Variants in CARF observed in about 807,000 individuals in gnomAD.
CARF encodes calcium-responsive transcription factor.
CARF carries 57 observed loss-of-function variants against 82.0 expected under a neutral mutation model. The observed-to-expected ratio is 0.70, with a 90% CI of 0.56 to 0.87. The LOEUF (loss-of-function observed/expected upper bound fraction) is 0.87. Ranked by LOEUF, CARF falls within the 40% of genes least tolerant of loss-of-function variation. The pLI, the probability that CARF is intolerant of heterozygous loss-of-function variation, is 0.00. For missense variants in CARF, 771 were observed against 855.8 expected, an observed-to-expected ratio of 0.90 and a Z score of 1.24; for synonymous variants, 268 against 290.1, an observed-to-expected ratio of 0.92 and a Z score of 0.77.
intron 3 of CARF, among the ~76,000 whole-genome samples, chr2:202,926,862 G>A (rs1340507733): frequency 7.9e-5 from 12 of 151,952 alleles, no homozygotes; most frequent in Admixed American, 3.3e-4. Context: ...TTGCTCTGTC[G>A]CCCAGGTTGG....
At chr2:202,971,103 AGAT>A (rs1013263513) in intron 11 of CARF, among the ~76,000 whole-genome samples, 8 of 152,150 alleles carry the variant, frequency 5.3e-5, no homozygotes, top group Non-Finnish European at 7.4e-5. Context: ...ACAGTTCAAA[AGAT>A]GATGATTTAC....
At chr2:202,966,729 G>A (rs145585147) in intron 9 of CARF, among the ~76,000 whole-genome samples, 3 of 152,056 alleles carry the variant, frequency 2.0e-5, no homozygotes, top group African/African-American at 7.2e-5. Flanking sequence ...AAAATTATAT[G>A]CCAGTAGACA....
At chr2:202,921,381 C>T (rs1690762239) in intron 2 of CARF, among the ~76,000 whole-genome samples, 1 of 152,120 alleles carries the variant, frequency 6.6e-6, no homozygotes, top group Non-Finnish European at 1.5e-5. Context: ...ATTACCTTGC[C>T]ATCAGACAGC....
chr2:202,988,149 T>TAA lies in CARF; in HGVS notation c.*4525_*4526insAA. On this transcript the variant is annotated 3_prime_UTR_variant, in exon 17 of 17. Coordinates refer to ENST00000438828, the MANE Select transcript of CARF (RefSeq NM_024744.17). Reference sequence around the variant, plus strand: ...TGCATTTATGAATAAATCATTTATCTGCTGCTGAGTAGAACTGCATTTTAT... The same window carrying TAA: ...TGCATTTATGAATAAATCATTTATCTAAGCTGCTGAGTAGAACTGCATTTTAT... 6.6e-6 allele frequency among the ~76,000 whole-genome samples: 1 copy of TAA among 152,340 alleles called. No homozygotes were observed. The highest frequency in any genetic ancestry group is 1.9e-4 in the East Asian group (1 of 5,190).
At chr2:202,983,146 TCA>T (rs1409473543) in intron 16 of CARF, among the ~76,000 whole-genome samples, 1 of 151,990 alleles carries the variant, frequency 6.6e-6, no homozygotes, top group Non-Finnish European at 1.5e-5. Flanking sequence ...CTCCCACTCC[TCA>T]CGCAGTGAGC....
chr2:202,953,903 A>C (rs2058892064), intron 6 of CARF, 102 bp from the exon 7 acceptor site: 3 of 980,834 alleles, frequency 3.1e-6, no homozygotes, highest in Admixed American at 3.6e-5. Context: ...ATAAAGCATA[A>C]ATTTTCTTTA....
chr2:202,926,221 G>C (rs932577327), intron 3 of CARF, among the ~76,000 whole-genome samples: 2 of 152,148 alleles, frequency 1.3e-5, no homozygotes, highest in African/African-American at 4.8e-5. Flanking sequence ...GTGGACCTCA[G>C]CCCACCCTTA....
intron 3 of CARF, among the ~76,000 whole-genome samples, chr2:202,933,862 CTTTCTTTTCT>C (rs140863725): frequency 0.42 from 60,824 of 146,434 alleles, 15,331 homozygotes; most frequent in Middle Eastern, 0.69. Flanking sequence ...CTTTTCTTTC[CTTTCTTTTCT>C]TTTCTTTTCT....
chr2:202,961,525 CTG>C, intron 9 of CARF, 99 bp downstream of exon 9: 2 of 1,034,332 alleles, frequency 1.9e-6, no homozygotes, highest in Non-Finnish European at 2.9e-6. Flanking sequence ...ATTTTGGTAG[CTG>C]ACAATTGAAT....
chr2:202,955,668 T>C lies in CARF; in HGVS notation c.558-6T>C. 1 of 1,601,654 alleles carries C rather than the reference T, an allele frequency of 6.2e-7. No homozygotes were observed. Among genetic ancestry groups the C allele is most frequent in the Non-Finnish European group, 8.5e-7 (1 of 1,172,946 alleles). On this transcript the variant is annotated splice_polypyrimidine_tract_variant and splice_region_variant and intron_variant, in intron 7 of 16. Transcript: ENST00000438828. ...CATATTTATATATATTCCTCTCCTA[T>C]CCCAGAATGCTGGAAGAACCCCTTC...
chr2:202,953,492 T>TTTG lies in CARF; in HGVS notation c.428-507_428-505dup, dbSNP rs1386489728. ...TTGGTAATATGCCTATTACTCTTTT[T>TTTG]TTGTTGTTTTTTTTTTTTTTTTTTT... On this transcript the variant is annotated intron_variant, in intron 6 of 16. Coordinates refer to ENST00000438828, the MANE Select transcript of CARF (RefSeq NM_024744.17). 2.8e-3 allele frequency among the ~76,000 whole-genome samples: 300 copies of TTTG among 105,296 alleles called. 3 individuals carry two copies. The highest frequency in any genetic ancestry group is 8.9e-3 in the African/African-American group (242 of 27,088). 69.1% of individuals were successfully genotyped at this position (105,296 alleles called of 152,430 possible).
At chr2:202,917,442 G>A (rs1574452120) in intron 1 of CARF, among the ~76,000 whole-genome samples, 1 of 151,844 alleles carries the variant, frequency 6.6e-6, no homozygotes, top group East Asian at 1.9e-4. Flanking sequence ...CTCTTTAATT[G>A]TAATACGCTT....
At chr2:202,922,167 G>T (rs1202203337) in intron 2 of CARF, among the ~76,000 whole-genome samples, 2 of 152,030 alleles carry the variant, frequency 1.3e-5, no homozygotes, top group Non-Finnish European at 2.9e-5. Context: ...ACAGGGTCTT[G>T]CCCTGTCATG....
At chr2:202,927,039 C>G (rs1193786004) in intron 3 of CARF, among the ~76,000 whole-genome samples, 2 of 152,090 alleles carry the variant, frequency 1.3e-5, no homozygotes, top group African/African-American at 4.8e-5. Flanking sequence ...TGGTCTCGAA[C>G]TCCTGAGTTC....
chr2:202,974,330 A>T lies in CARF; in HGVS notation c.1332-4A>T. Reference sequence around the variant, plus strand: ...GTCTTTATTCCATTTTGTATTCTTTACAGAAAATTTGTGGAAAGGGAACTG... The same window carrying T: ...GTCTTTATTCCATTTTGTATTCTTTTCAGAAAATTTGTGGAAAGGGAACTG... On this transcript the variant is annotated splice_region_variant and splice_polypyrimidine_tract_variant and intron_variant, in intron 12 of 16. Transcript: ENST00000438828. 6.3e-7 allele frequency: 1 copy of T among 1,575,102 alleles called. No individual in the cohort carries two copies. The highest frequency in any genetic ancestry group is 8.6e-7 in the Non-Finnish European group (1 of 1,168,562).
chr2:202,919,623 A>C (rs1394736485), intron 2 of CARF, among the ~76,000 whole-genome samples: 1 of 152,210 alleles, frequency 6.6e-6, no homozygotes, highest in Admixed American at 6.5e-5. Flanking sequence ...AACTGGCAAA[A>C]GTTGAAAACA....
chr2:202,935,247 G>A (rs1693729741), intron 3 of CARF, among the ~76,000 whole-genome samples: 1 of 137,144 alleles, frequency 7.3e-6, no homozygotes, highest in African/African-American at 2.7e-5. Flanking sequence ...TTATATATTT[G>A]TATATTATAT....
At position 202,984,474 on chromosome 2, in the gene CARF, T is replaced by G. The variant is rs2105953423; in HGVS notation, c.*850T>G. The G allele has an allele frequency of 6.6e-6, 1 of 152,310 alleles. No individual in the cohort carries two copies. The highest frequency in any genetic ancestry group is 1.5e-5 in the Non-Finnish European group (1 of 67,992). The allele number at this position is 152,310 out of a possible 1,614,324, so 9.4% of individuals were successfully genotyped here. ...GGTGTTTACAGATAATTTGGAAAAC[T>G]TTTTGATGACAGCAGAGGATTTTTT... is the stretch of plus-strand genomic sequence containing the variant. On this transcript the variant is annotated 3_prime_UTR_variant, in exon 17 of 17. Transcript: ENST00000438828.
intron 8 of CARF, among the ~76,000 whole-genome samples, chr2:202,958,557 A>G (rs2059159170): frequency 6.6e-6 from 1 of 152,142 alleles, no homozygotes; most frequent in Non-Finnish European, 1.5e-5. Flanking sequence ...GTCCAAGATG[A>G]ACCACTTCTT....
Sources: allele counts gnomAD v4.1 joint callset (sites outside exome capture counted in the v4.1 genomes callset), GRCh38; gene constraint gnomAD v4.1.1; transcripts MANE v1.5; gene names NCBI Gene and HGNC (gene_info 2026-07-23, HGNC 2026-07-21).